The following IGF2BP1 variants were observed in gnomAD, a reference collection of about 807,000 sequenced individuals.
IGF2BP1 encodes insulin like growth factor 2 mRNA binding protein 1.
In IGF2BP1, 11 loss-of-function variants were observed where a neutral mutation model predicts 74.9. That is an observed-to-expected ratio of 0.15 (90% CI 0.09 to 0.24). The LOEUF (loss-of-function observed/expected upper bound fraction) is 0.24. Ranked by LOEUF, IGF2BP1 falls within the 10% of genes least tolerant of loss-of-function variation. The probability of loss-of-function intolerance (pLI) is 1.00; values close to 1 mark genes in which losing one functional copy is unlikely to be tolerated. For missense variants in IGF2BP1, 440 were observed against 757.4 expected (o/e 0.58, Z 4.92); for synonymous variants, 287 against 281.8 (o/e 1.02, Z -0.18).
chr17:49,027,853 GAAAAAAAAAAAAA>G (rs777784396), intron 4 of IGF2BP1, among the ~76,000 whole-genome samples: 12 of 42,892 alleles, frequency 2.8e-4, no homozygotes, highest in East Asian at 1.1e-3. Context: ...CTCTGTCTCA[GAAAAAAAAAAAAA>G]AAAAAAAAAA....
chr17:49,021,159 A>T (rs116832545), intron 2 of IGF2BP1, among the ~76,000 whole-genome samples: 4 of 151,588 alleles, frequency 2.6e-5, no homozygotes, highest in Non-Finnish European at 4.4e-5. Context: ...AAAAAAAAAA[A>T]GCAGGCTCTT....
At chr17:49,021,758 C>T (rs185869014) in intron 2 of IGF2BP1, among the ~76,000 whole-genome samples, 17 of 152,268 alleles carry the variant, frequency 1.1e-4, no homozygotes, top group Non-Finnish European at 2.2e-4. Context: ...GGCTGTTCAT[C>T]GGTTTAGGCA....
At position 49,051,701 on chromosome 17, in the gene IGF2BP1, AT is replaced by A. The variant is rs528932182; in HGVS notation, c.*2258del. The stretch of plus-strand genomic sequence containing the variant: ...CGAGGAGAGAAATAATAACTAAAAA[AT>A]ATACCCTTTAAAAAAACCTATATTT... On this transcript the variant is annotated 3_prime_UTR_variant, in exon 15 of 15. Coordinates refer to ENST00000290341, the MANE Select transcript of IGF2BP1 (RefSeq NM_006546.4). The A allele has an allele frequency of 2.7e-4, 41 of 152,334 alleles. 1 individual carries two copies. Among genetic ancestry groups the A allele is most frequent in the African/African-American group, 7.5e-4 (31 of 41,574 alleles). 9.4% of individuals were successfully genotyped at this position (152,334 alleles called of 1,614,324 possible).
chr17:49,025,853 CTTTCTTTT>C (rs1478565096), intron 3 of IGF2BP1, among the ~76,000 whole-genome samples, 187 bp downstream of exon 3: 5 of 140,358 alleles, frequency 3.6e-5, no homozygotes, highest in Non-Finnish European at 6.1e-5. Context: ...TCTTTCTTTT[CTTTCTTTT>C]TTTTTTTTTT....
At position 49,020,012 on chromosome 17, in the gene IGF2BP1, A is replaced by G. The variant is rs1334335291; in HGVS notation, c.237-5606A>G. ...CATATATATACACACACACACACAT[A>G]TATATACACACACACACATATATAT... On this transcript the variant is annotated intron_variant, in intron 2 of 14. Transcript: ENST00000290341. Among the ~76,000 whole-genome samples the G allele has an allele frequency of 9.3e-5, 9 of 96,720 alleles. No homozygotes were observed. In the South Asian group the frequency reaches 2.2e-3, roughly 24 times the overall value. The allele number at this position is 96,720 out of a possible 152,430, so 63.5% of individuals were successfully genotyped here.
intron 13 of IGF2BP1, 79 bp downstream of exon 13, chr17:49,046,100 T>C: frequency 1.3e-6 from 2 of 1,548,346 alleles, no homozygotes; most frequent in African/African-American, 1.4e-5. Flanking sequence ...CCTGTACTGC[T>C]CAACCTCAGG....
chr17:49,032,008 G>T (rs562198497), intron 5 of IGF2BP1, 35 bp downstream of exon 5: 34 of 1,446,764 alleles, frequency 2.4e-5, no homozygotes, highest in Admixed American at 5.4e-5. Context: ...GGGTGCGGTG[G>T]GGGGGGGTTC....
At chr17:49,013,630 C>T (rs536904797) in intron 2 of IGF2BP1, 3 of 152,512 alleles carry the variant, frequency 2.0e-5, no homozygotes, top group African/African-American at 7.2e-5. Context: ...AGTCACAGCC[C>T]TGACCACAGG....
chr17:49,023,201 G>C (rs1269320470), intron 2 of IGF2BP1, among the ~76,000 whole-genome samples: 1 of 152,168 alleles, frequency 6.6e-6, no homozygotes, highest in Non-Finnish European at 1.5e-5. Context: ...TGGTCTGATG[G>C]CATCTGGGGA....
chr17:49,028,894 G>A (rs1360178140), intron 4 of IGF2BP1, among the ~76,000 whole-genome samples: 2 of 152,060 alleles, frequency 1.3e-5, no homozygotes, highest in East Asian at 1.9e-4. Flanking sequence ...TGCAACCTCC[G>A]CCTCCTGGGT....
At chr17:49,005,827 C>T (rs989613542) in intron 2 of IGF2BP1, among the ~76,000 whole-genome samples, 1 of 151,902 alleles carries the variant, frequency 6.6e-6, no homozygotes, top group African/African-American at 2.4e-5. Flanking sequence ...TTCTGGAGGC[C>T]GAATAGGGCA....
chr17:48,999,050 C>T (rs920696753), intron 1 of IGF2BP1, 59 bp from the exon 2 acceptor site: 1 of 1,062,092 alleles, frequency 9.4e-7, no homozygotes, highest in Non-Finnish European at 1.5e-6. Context: ...TCCCCTTCCT[C>T]TTCCCACCCC....
At chr17:49,038,064 T>C (rs1490187576) in intron 5 of IGF2BP1, 104 bp from the exon 6 acceptor site, 2 of 1,048,522 alleles carry the variant, frequency 1.9e-6, no homozygotes, top group Non-Finnish European at 2.6e-6. Flanking sequence ...TCCTTTTCTT[T>C]AGTGTGTTCC....
intron 2 of IGF2BP1, among the ~76,000 whole-genome samples, chr17:49,025,249 C>T (rs976081398): frequency 6.6e-6 from 1 of 151,210 alleles, no homozygotes; most frequent in Non-Finnish European, 1.5e-5. Context: ...TTCCTAGTGC[C>T]TGGAACATAG....
At chr17:49,043,051 G>A (rs1188887389) in intron 9 of IGF2BP1, among the ~76,000 whole-genome samples, 1 of 152,108 alleles carries the variant, frequency 6.6e-6, no homozygotes, top group African/African-American at 2.4e-5. Context: ...CAGAGTCCTA[G>A]AAGTCCAATG....
At chr17:49,032,197 A>G (rs1349954189) in intron 5 of IGF2BP1, among the ~76,000 whole-genome samples, 1 of 152,118 alleles carries the variant, frequency 6.6e-6, no homozygotes, top group Non-Finnish European at 1.5e-5. Flanking sequence ...CAGAAACATC[A>G]AGATTGATAG....
At chr17:49,043,692 C>A in intron 10 of IGF2BP1, 142 bp downstream of exon 10, 1 of 1,089,272 alleles carries the variant, frequency 9.2e-7, no homozygotes, top group Non-Finnish European at 1.3e-6. Flanking sequence ...CCCTCCTCTC[C>A]AGTGCTCCTA....
At chr17:49,034,061 C>T (rs995738962) in intron 5 of IGF2BP1, among the ~76,000 whole-genome samples, 7 of 83,880 alleles carry the variant, frequency 8.3e-5, no homozygotes, top group African/African-American at 1.9e-4. Context: ...CTGGCCTTAG[C>T]GATCTTCCTA....
intron 2 of IGF2BP1, among the ~76,000 whole-genome samples, chr17:49,003,755 T>C (rs926877180): frequency 8.2e-5 from 10 of 121,388 alleles, no homozygotes; most frequent in African/African-American, 3.2e-4. Flanking sequence ...GACGAGTTAG[T>C]CCCGGCTTGG....
Sources: gnomAD v4.1 joint callset for allele counts (sites outside exome capture counted in the v4.1 genomes callset) on GRCh38, gnomAD v4.1.1 for gene constraint, MANE v1.5 for transcripts, NCBI Gene and HGNC (gene_info 2026-07-23, HGNC 2026-07-21) for gene names.